PDE8B: variants seen among roughly 807,000 people sequenced by gnomAD.
The protein encoded by PDE8B is phosphodiesterase 8B, also known as high affinity cAMP-specific and IBMX-insensitive 3',5'-cyclic phosphodiesterase 8B.
A neutral mutation model predicts 101.3 loss-of-function variants in PDE8B; 26 were observed. The observed-to-expected ratio is 0.26, with a 90% CI of 0.19 to 0.36. The LOEUF is 0.36. Among genes scored for constraint, PDE8B ranks in the 10% least tolerant of loss-of-function variants. PDE8B has a pLI of 1.00. For missense variants in PDE8B, 810 were observed against 1,163.1 expected, an observed-to-expected ratio of 0.70 and a Z score of 4.42; for synonymous variants, 424 against 429.3, an observed-to-expected ratio of 0.99 and a Z score of 0.15.
At chr5:77,157,888 C>G in the PDE8B span, among the ~76,000 whole-genome samples, 1 of 152,208 alleles carries the variant, frequency 6.6e-6, no homozygotes, top group Non-Finnish European at 1.5e-5. Context: ...TCTAGAGCAT[C>G]CCTCTCTCTA....
chr5:77,399,867 A>G (rs1413771020), intron 10 of PDE8B, among the ~76,000 whole-genome samples: 1 of 152,260 alleles, frequency 6.6e-6, no homozygotes, highest in Admixed American at 6.5e-5. Flanking sequence ...GAAAAATTTT[A>G]TAACGTATCT....
chr5:77,320,649 A>G (rs1251861021), intron 2 of PDE8B, among the ~76,000 whole-genome samples: 6 of 152,188 alleles, frequency 3.9e-5, no homozygotes, highest in Non-Finnish European at 7.3e-5. Flanking sequence ...AACATCTTGC[A>G]TAACAAGTCA....
chr5:77,394,359 C>T (rs1377695664), intron 10 of PDE8B, among the ~76,000 whole-genome samples: 1 of 152,182 alleles, frequency 6.6e-6, no homozygotes, highest in Non-Finnish European at 1.5e-5. Flanking sequence ...AGTATCTCCT[C>T]CTCGCACTCT....
At chr5:77,415,767 C>T (rs1795406978) in intron 17 of PDE8B, among the ~76,000 whole-genome samples, 2 of 152,318 alleles carry the variant, frequency 1.3e-5, no homozygotes, top group South Asian at 2.1e-4. Flanking sequence ...CCATCCTCTC[C>T]CCATGTTACC....
intron 1 of PDE8B, among the ~76,000 whole-genome samples, chr5:77,293,118 A>G (rs893970987): frequency 2.6e-5 from 4 of 152,188 alleles, no homozygotes; most frequent in Non-Finnish European, 5.9e-5. Context: ...TCTCACTGAT[A>G]TAAAATGACA....
At position 77,210,864 on chromosome 5, in the gene PDE8B, G is replaced by T; in HGVS notation, c.-62G>T. ...CCGCCCCCTCACTGCAGGTGGCAGC[G>T]GGTGCGCTGGGTCCCGGCGGCCGCG... On this transcript the variant is annotated 5_prime_UTR_variant, in exon 1 of 22. Transcript: ENST00000264917. This position sits in a 1 kb window ranked among gnomAD's most constrained non-coding sequence, Gnocchi z 4.9. 8.5e-7 allele frequency: 1 copy of T among 1,177,550 alleles called. No homozygotes were observed. Among genetic ancestry groups the T allele is most frequent in the South Asian group, 3.7e-5 (1 of 27,366 alleles). 72.9% of individuals were successfully genotyped at this position (1,177,550 alleles called of 1,614,324 possible). A position where few individuals can be genotyped will look rare whatever the true frequency, so the allele number is the denominator to read the frequency against.
chr5:77,362,151 T>C (rs902631810), intron 10 of PDE8B, among the ~76,000 whole-genome samples: 1 of 152,204 alleles, frequency 6.6e-6, no homozygotes, highest in Non-Finnish European at 1.5e-5. Flanking sequence ...ATAGATGATA[T>C]ATAAATGATG....
At chr5:77,426,377 C>T in intron 21 of PDE8B, 68 bp from the exon 22 acceptor site, 1 of 1,021,976 alleles carries the variant, frequency 9.8e-7, no homozygotes, top group Non-Finnish European at 1.5e-6. Flanking sequence ...CCCAGACACC[C>T]CCAGGCTTAT....
intron 1 of PDE8B, among the ~76,000 whole-genome samples, chr5:77,277,543 CAT>C (rs1357874096): frequency 6.6e-6 from 1 of 152,184 alleles, no homozygotes; most frequent in Admixed American, 6.5e-5. Context: ...ACATGAAAAA[CAT>C]ATATTCTCTG....
At chr5:77,311,142 T>C (rs1012651913) in intron 1 of PDE8B, among the ~76,000 whole-genome samples, 1 of 150,608 alleles carries the variant, frequency 6.6e-6, no homozygotes, top group African/African-American at 2.4e-5. Flanking sequence ...ATGACCACAG[T>C]CTCTTAGAGA....
chr5:77,292,843 A>G (rs1471396331), intron 1 of PDE8B, among the ~76,000 whole-genome samples: 1 of 152,126 alleles, frequency 6.6e-6, no homozygotes, highest in Non-Finnish European at 1.5e-5. Context: ...GCTTTTTAAT[A>G]TGTTTTTCTT....
the PDE8B span, chr5:77,114,921 G>A: frequency 6.6e-6 from 1 of 152,024 alleles, no homozygotes; most frequent in African/African-American, 2.4e-5. Flanking sequence ...TAATGAAGAG[G>A]CACATAACTC....
At chr5:77,093,502 C>A in the PDE8B span, among the ~76,000 whole-genome samples, 4 of 152,132 alleles carry the variant, frequency 2.6e-5, no homozygotes, top group Non-Finnish European at 5.9e-5. Context: ...TTCTGCACAG[C>A]TGATCTGAGC....
chr5:77,205,118 T>C, the PDE8B span, among the ~76,000 whole-genome samples: 4 of 152,156 alleles, frequency 2.6e-5, no homozygotes, highest in African/African-American at 9.7e-5. Flanking sequence ...AGATCACTTT[T>C]GTACTATGCA....
the PDE8B span, among the ~76,000 whole-genome samples, chr5:77,162,463 G>GA: frequency 2.0e-5 from 3 of 151,872 alleles, no homozygotes; most frequent in Non-Finnish European, 2.9e-5. Flanking sequence ...AGAATTGCTA[G>GA]AAAAAATAAA....
chr5:77,304,624 A>G (rs1770753290), intron 1 of PDE8B, among the ~76,000 whole-genome samples: 1 of 152,230 alleles, frequency 6.6e-6, no homozygotes, highest in South Asian at 2.1e-4. Flanking sequence ...GTGATAAAAC[A>G]TCATGCTGCC....
Position 77,388,028 on chromosome 5 carries a change from T to G in PDE8B, c.1168-12220T>G, listed in dbSNP as rs1362124248. On this transcript the variant is annotated intron_variant, in intron 10 of 21. Coordinates refer to ENST00000264917, the MANE Select transcript of PDE8B (RefSeq NM_003719.5). The stretch of plus-strand genomic sequence containing the variant: ...CTTGCATTGGGTTAGAACATGCTCC[T>G]TTAGCTCGGAGGAGTTTGTTATTAC... Among the ~76,000 whole-genome samples the G allele has an allele frequency of 2.6e-5, 4 of 152,294 alleles. No homozygotes were observed. The East Asian group carries it at 7.7e-4, about 29-fold the overall frequency.
chr5:77,296,283 T>G (rs992112665), intron 1 of PDE8B, among the ~76,000 whole-genome samples: 3 of 151,990 alleles, frequency 2.0e-5, no homozygotes, highest in African/African-American at 7.3e-5. Context: ...TTCTTTCTTC[T>G]TCTTGTTTCA....
chr5:77,123,549 G>C, the PDE8B span, among the ~76,000 whole-genome samples: 1 of 152,056 alleles, frequency 6.6e-6, no homozygotes, highest in East Asian at 1.9e-4. Context: ...CTTGAGCCCA[G>C]GAATTTGAGA....
Sources: gnomAD v4.1 joint callset for allele counts (sites outside exome capture counted in the v4.1 genomes callset) on GRCh38, gnomAD v4.1.1 for gene constraint, Gnocchi (gnomAD v3.1) non-coding constraint, MANE v1.5 for transcripts, NCBI Gene and HGNC (gene_info 2026-07-23, HGNC 2026-07-21) for gene names.